The following SLC46A2 variants were observed in gnomAD, a reference collection of about 807,000 sequenced individuals.
SLC46A2 encodes the protein solute carrier family 46 member 2.
In SLC46A2, 25 loss-of-function variants were observed where a neutral mutation model predicts 33.1. The observed-to-expected ratio is 0.76, with a 90% confidence interval of 0.55 to 1.06. SLC46A2 has a LOEUF of 1.06. Ranked by LOEUF, SLC46A2 falls within the 50% of genes least tolerant of loss-of-function variation. The pLI, the probability that SLC46A2 is intolerant of heterozygous loss-of-function variation, is 0.00. For synonymous variants in SLC46A2, 254 were observed against 275.9 expected (o/e 0.92, Z 0.79); for missense variants, 622 against 621.7 (o/e 1.00, Z 0.00).
chr9:112,889,670 C>A lies in SLC46A2; in HGVS notation c.1012G>T (p.Val338Phe). The A allele has an allele frequency of 1.2e-6, 2 of 1,614,106 alleles. No individual in the cohort carries two copies. The highest frequency in any genetic ancestry group is 2.2e-5 in the East Asian group (1 of 44,870). ...CGAAAGCAGCGGGAGAAGACCAGGA[C>A]ACCCAGGAAGCTGGTGATGAAGATG... is the stretch of plus-strand genomic sequence containing the variant. ...YTIFITSFLG[V>F]LVFSRCFRDT... The change falls in exon 1 of 4, where the codon GTC becomes TTC. Residue 338 changes from valine to phenylalanine, a missense_variant. Physicochemically the swap from Val to Phe is conservative, Grantham distance 50. Transcript: ENST00000374228.
chr9:112,882,756 T>C (rs967276467), intron 3 of SLC46A2, among the ~76,000 whole-genome samples: 12 of 151,804 alleles, frequency 7.9e-5, no homozygotes, highest in Non-Finnish European at 1.3e-4. Context: ...GATCATGAGA[T>C]TGGAAAGACA....
intron 3 of SLC46A2, among the ~76,000 whole-genome samples, chr9:112,886,057 G>T (rs1385387927): frequency 6.6e-6 from 1 of 152,228 alleles, no homozygotes; most frequent in Middle Eastern, 3.2e-3. Flanking sequence ...AGCCCTGTGA[G>T]GGCACGGGGA....
rs1841710178 is a variant in SLC46A2, at chr9:112,890,207, G to T, written c.475C>A (p.Leu159Met). ...CCCTCGGAGGAGCCCAGCGATCCCA[G>T]CGCCATGACCCCGGACCAGAAGGCG... ...FSAFWSGVMA[L>M]GSLGSSEGRR... The change falls in exon 1 of 4, where the codon CTG becomes ATG. Residue 159 changes from leucine (L) to methionine (M), a missense_variant. By Grantham distance (15) the Leu-to-Met change is conservative. Coordinates refer to ENST00000374228, the MANE Select transcript of SLC46A2 (RefSeq NM_033051.4). This position sits in a 1 kb window ranked among gnomAD's most constrained non-coding sequence, Gnocchi z 6.0. 1.2e-6 allele frequency: 2 copies of T among 1,612,974 alleles called. No individual in the cohort carries two copies. The highest frequency in any genetic ancestry group is 3.3e-5 in the Admixed American group (2 of 60,000).
intron 2 of SLC46A2, 99 bp from the exon 3 acceptor site, chr9:112,886,715 T>A: frequency 7.9e-7 from 1 of 1,259,602 alleles, no homozygotes; most frequent in Non-Finnish European, 1.1e-6. Flanking sequence ...CCCTTCCTTC[T>A]TACTCTCTCT....
Position 112,889,856 on chromosome 9 carries a change from C to T in SLC46A2, c.826G>A (p.Ala276Thr). Residue 276 changes from alanine to threonine, a missense_variant, in exon 1 of 4, where the codon GCA (alanine) becomes ACA (threonine). Transcript: ENST00000374228. ...GCAATGGTGGTTTTATGGGGTTTTG[C>T]TTTTCCAGGAGATGGAGGGTGCCCC... Reference protein sequence around the residue: ...AVGHPPSPGKAKPHKTTIALL... With the variant: ...AVGHPPSPGKTKPHKTTIALL... The T allele has an allele frequency of 1.2e-6, 2 of 1,614,214 alleles. No individual in the cohort carries two copies. Among genetic ancestry groups the T allele is most frequent in the Non-Finnish European group, 1.7e-6 (2 of 1,180,040 alleles).
chr9:112,879,807 A>G lies in SLC46A2; in HGVS notation c.1383T>C (p.Tyr461=), dbSNP rs1283729367. Residue 461 remains tyrosine (Y), a synonymous_variant, in exon 4 of 4, where the codon TAT becomes TAC. Transcript: ENST00000374228. ...CATATGGTGACAATGGGACTTGTTT[A>G]TAGGCCACGATGCTGTAAGAATTGA... ...LAIIPISIVA[Y]KQVPLSPYGD... 2 of 1,613,030 alleles carry G rather than the reference A, an allele frequency of 1.2e-6. No individual in the cohort carries two copies. Among genetic ancestry groups the G allele is most frequent in the South Asian group, 1.1e-5 (1 of 90,996 alleles).
intron 2 of SLC46A2, 97 bp downstream of exon 2, chr9:112,887,233 A>T: frequency 9.3e-7 from 1 of 1,076,884 alleles, no homozygotes; most frequent in Non-Finnish European, 1.4e-6. Flanking sequence ...TGCTTCTGGA[A>T]CTGTCTCAAG....
chr9:112,887,340 G>A lies in SLC46A2; in HGVS notation c.1203C>T (p.Gly401=), dbSNP rs757149543. ...IRSAMSKLIK[G]SSYGKVFVIL... ...CTGTTCACTACTCACCATAAGAGGA[G>A]CCCTTTATGAGTTTGGACATAGCTG... is the stretch of plus-strand genomic sequence containing the variant. Residue 401 remains glycine, a synonymous_variant, in exon 2 of 4, where the codon GGC becomes GGT. Coordinates refer to ENST00000374228, the MANE Select transcript of SLC46A2 (RefSeq NM_033051.4). 8 of 1,611,752 alleles carry A rather than the reference G, an allele frequency of 5.0e-6. No individual in the cohort carries two copies. Among genetic ancestry groups the A allele is most frequent in the Middle Eastern group, 1.7e-4 (1 of 6,060 alleles).
At chr9:112,888,874 T>G (rs1272908156) in intron 1 of SLC46A2, among the ~76,000 whole-genome samples, 4 of 12,724 alleles carry the variant, frequency 3.1e-4, no homozygotes, top group Non-Finnish European at 5.4e-4. Context: ...CTCCTCCACG[T>G]TTTTTTTTTT....
chr9:112,890,226 G>C lies in SLC46A2; in HGVS notation c.456C>G (p.Phe152Leu), dbSNP rs773565917. 3 of 1,613,064 alleles carry C rather than the reference G, an allele frequency of 1.9e-6. No homozygotes were observed. The highest frequency in any genetic ancestry group is 2.5e-6 in the Non-Finnish European group (3 of 1,179,878). Residue 152 changes from phenylalanine (F) to leucine (L), a missense_variant, in exon 1 of 4, where the codon TTC becomes TTG. Phe to Leu is a conservative substitution (Grantham distance 22). Transcript: ENST00000374228. This position sits in a 1 kb window ranked among gnomAD's most constrained non-coding sequence, Gnocchi z 6.0. Reference sequence around the variant, plus strand: ...ATCCCAGCGCCATGACCCCGGACCAGAAGGCGGAGAAGCCGCCGAATAGCC... The same window carrying C: ...ATCCCAGCGCCATGACCCCGGACCACAAGGCGGAGAAGCCGCCGAATAGCC... ...LNGLFGGFSA[F>L]WSGVMALGSL...
At chr9:112,881,367 A>G (rs952315778) in intron 3 of SLC46A2, 4 of 152,246 alleles carry the variant, frequency 2.6e-5, no homozygotes, top group African/African-American at 7.2e-5. Context: ...CCCGCCTTCT[A>G]TGAGTGCTAG....
intron 2 of SLC46A2, 150 bp downstream of exon 2, chr9:112,887,180 C>G: frequency 1.5e-6 from 1 of 682,090 alleles, no homozygotes; most frequent in East Asian, 2.9e-5. Context: ...TCTCCACTCT[C>G]TGTGCCCTGG....
chr9:112,886,705 C>T (rs1841646873), intron 2 of SLC46A2, 89 bp from the exon 3 acceptor site: 3 of 1,376,458 alleles, frequency 2.2e-6, no homozygotes, highest in Non-Finnish European at 3.0e-6. Flanking sequence ...TCTTAGGGGA[C>T]CCTTCCTTCT....
At chr9:112,887,230 G>T (rs1030583047) in intron 2 of SLC46A2, 100 bp downstream of exon 2, 51 of 1,045,096 alleles carry the variant, frequency 4.9e-5, no homozygotes, top group Non-Finnish European at 7.0e-5. Flanking sequence ...AGATGCTTCT[G>T]GAACTGTCTC....
At chr9:112,888,816 A>G (rs920340534) in intron 1 of SLC46A2, among the ~76,000 whole-genome samples, 6 of 151,962 alleles carry the variant, frequency 3.9e-5, no homozygotes, top group Non-Finnish European at 7.4e-5. Flanking sequence ...CTTGACTCCA[A>G]ATGATTTTAA....
Position 112,879,709 on chromosome 9 carries a change from C to A in SLC46A2, c.*53G>T. The stretch of plus-strand genomic sequence containing the variant: ...CCAGTTCCCTGGTCCCTTCTTTTGT[C>A]TTCTGGGGGCCTGGCCATGGCTGAT... On this transcript the variant is annotated 3_prime_UTR_variant, in exon 4 of 4. Coordinates refer to ENST00000374228, the MANE Select transcript of SLC46A2 (RefSeq NM_033051.4). 6.5e-7 allele frequency: 1 copy of A among 1,548,802 alleles called. No homozygotes were observed. Among genetic ancestry groups the A allele is most frequent in the South Asian group, 1.1e-5 (1 of 89,026 alleles).
At position 112,886,614 on chromosome 9, in the gene SLC46A2, T is replaced by C; in HGVS notation, c.1216A>G (p.Lys406Glu). The change falls in exon 3 of 4, where the codon AAG (lysine) becomes GAG (glutamate). Residue 406 changes from lysine to glutamate, a missense_variant and splice_region_variant. Lys to Glu is a moderately conservative substitution (Grantham distance 56, BLOSUM62 1). Transcript: ENST00000374228. ...SKLIKGSSYG[K>E]VFVILQLSLA... The stretch of plus-strand genomic sequence containing the variant: ...GACAGCTGCAGTATGACGAACACCT[T>C]TCCTGTGGAAGGGACAGAGGTTACT... The C allele has an allele frequency of 6.2e-7, 1 of 1,613,908 alleles. No individual in the cohort carries two copies. Among genetic ancestry groups the C allele is most frequent in the Non-Finnish European group, 8.5e-7 (1 of 1,179,892 alleles).
In SLC46A2 at chr9:112,887,407, G is replaced by A. The variant is rs1229744390; in HGVS notation, c.1136C>T (p.Ala379Val). The change falls in exon 2 of 4, where the codon GCC becomes GTC. Residue 379 changes from alanine to valine, a missense_variant. Coordinates refer to ENST00000374228, the MANE Select transcript of SLC46A2 (RefSeq NM_033051.4). ...KETYMFYIAR[A>V]VMLFALIPVT... ...GGGGATGAGAGCAAACAGCATGACG[G>A]CTCGAGCTGAAAGAGATCACACAAG... is the stretch of plus-strand genomic sequence containing the variant. 1.2e-6 allele frequency: 2 copies of A among 1,607,674 alleles called. No homozygotes were observed. Among genetic ancestry groups the A allele is most frequent in the South Asian group, 1.1e-5 (1 of 89,682 alleles).
chr9:112,879,690 C>A lies in SLC46A2; in HGVS notation c.*72G>T. 1.4e-6 allele frequency: 2 copies of A among 1,435,910 alleles called. No homozygotes were observed. Among genetic ancestry groups the A allele is most frequent in the Admixed American group, 3.4e-5 (2 of 59,108 alleles). 88.9% of individuals were successfully genotyped at this position (1,435,910 alleles called of 1,614,324 possible). ...CAGTGGGTTGCTTAGGTCACCAGTT[C>A]CCTGGTCCCTTCTTTTGTCTTCTGG... On this transcript the variant is annotated 3_prime_UTR_variant, in exon 4 of 4. Coordinates refer to ENST00000374228, the MANE Select transcript of SLC46A2 (RefSeq NM_033051.4).
Sources: gnomAD v4.1 joint callset for allele counts (sites outside exome capture counted in the v4.1 genomes callset) on GRCh38, gnomAD v4.1.1 for gene constraint, Gnocchi (gnomAD v3.1) non-coding constraint, MANE v1.5 for transcripts, NCBI Gene and HGNC (gene_info 2026-07-23, HGNC 2026-07-21) for gene names.